The following SMIM35 variants were observed in gnomAD, a reference collection of about 807,000 sequenced individuals.
SMIM35 encodes the protein small integral membrane protein 35.
intron 1 of SMIM35, among the ~76,000 whole-genome samples, chr11:118,084,910 A>T (rs533169719): frequency 1.3e-5 from 2 of 152,188 alleles, no homozygotes; most frequent in Non-Finnish European, 2.9e-5. Context: ...AGAGTTCAGG[A>T]GGAGCAGGAT....
intron 1 of SMIM35, among the ~76,000 whole-genome samples, chr11:118,053,222 C>T (rs1161285809): frequency 3.3e-5 from 5 of 152,026 alleles, no homozygotes; most frequent in Admixed American, 2.6e-4. Flanking sequence ...GCCAGAGAAT[C>T]GCTTGAACCC....
intron 1 of SMIM35, among the ~76,000 whole-genome samples, chr11:118,061,129 C>A (rs945455743): frequency 6.6e-6 from 1 of 152,216 alleles, no homozygotes; most frequent in Non-Finnish European, 1.5e-5. Flanking sequence ...CCACTCGTGA[C>A]AGACACATGA....
chr11:118,083,220 A>G (rs1440190869), intron 1 of SMIM35, among the ~76,000 whole-genome samples: 3 of 152,218 alleles, frequency 2.0e-5, no homozygotes, highest in Non-Finnish European at 4.4e-5. Flanking sequence ...TTGCCAGGAG[A>G]AAAGACTTTC....
chr11:118,071,795 C>T lies in SMIM35; in HGVS notation c.7+14956G>A, dbSNP rs116992858. On this transcript the variant is annotated intron_variant, in intron 1 of 4. Transcript: ENST00000689828. ...CCTGAGTGTGGGAAGAGACCTAGAA[C>T]AGCATTGCTCAAACTTTAAGGTGAA... is the stretch of plus-strand genomic sequence containing the variant. Among the ~76,000 whole-genome samples the T allele has an allele frequency of 4.2e-3, 635 of 152,298 alleles. 5 individuals are homozygous for T. The highest frequency in any genetic ancestry group is 7.5e-3 in the Non-Finnish European group (511 of 68,030).
intron 1 of SMIM35, among the ~76,000 whole-genome samples, chr11:118,023,112 C>T (rs541752267): frequency 1.3e-5 from 2 of 152,078 alleles, no homozygotes; most frequent in Non-Finnish European, 2.9e-5. Context: ...TATCCTCATT[C>T]AGTCAAATAT....
At chr11:118,074,366 CAGG>C (rs1255212425) in intron 1 of SMIM35, among the ~76,000 whole-genome samples, 1 of 151,940 alleles carries the variant, frequency 6.6e-6, no homozygotes, top group Non-Finnish European at 1.5e-5. Flanking sequence ...AGAGGAAAAA[CAGG>C]AGGAGGATCT....
intron 1 of SMIM35, among the ~76,000 whole-genome samples, chr11:118,081,487 G>A (rs1449033714): frequency 6.6e-6 from 1 of 152,220 alleles, no homozygotes; most frequent in Non-Finnish European, 1.5e-5. Context: ...GTGGCCCCCA[G>A]AGCACCCTCC....
chr11:118,043,266 A>G (rs1177414376), intron 1 of SMIM35, among the ~76,000 whole-genome samples: 4 of 125,348 alleles, frequency 3.2e-5, no homozygotes, highest in Non-Finnish European at 5.2e-5. Context: ...AAGTCTGGGT[A>G]TTTGGTAAAA....
chr11:118,045,898 T>A (rs1051520948), intron 1 of SMIM35, among the ~76,000 whole-genome samples: 1 of 152,344 alleles, frequency 6.6e-6, no homozygotes, highest in East Asian at 1.9e-4. Context: ...AGCTAAAATA[T>A]CATTACTCTG....
At chr11:118,082,199 C>T (rs1029106811) in intron 1 of SMIM35, among the ~76,000 whole-genome samples, 1 of 152,212 alleles carries the variant, frequency 6.6e-6, no homozygotes, top group African/African-American at 2.4e-5. Context: ...AGCACTTTCA[C>T]ATCCAAAATC....
chr11:118,052,478 C>T (rs1944232689), intron 1 of SMIM35, among the ~76,000 whole-genome samples: 1 of 152,240 alleles, frequency 6.6e-6, no homozygotes, highest in East Asian at 1.9e-4. Context: ...TTGTACGGAC[C>T]CTTCCAAGTC....
intron 1 of SMIM35, among the ~76,000 whole-genome samples, chr11:118,016,359 G>A (rs998031359): frequency 1.3e-5 from 2 of 151,698 alleles, no homozygotes; most frequent in African/African-American, 4.8e-5. Context: ...AACCAAGAAA[G>A]AGAGAGAGAG....
rs188216140 is a variant in SMIM35 at position 118,047,842 on chromosome 11, T to C, written c.8-32033A>G. ...GGATCTCTGTGACCCTCCACATTTGTCCCAGGGTACTGGCTTGAGTGCCTA... is the reference window on the plus strand; with the variant it reads ...GGATCTCTGTGACCCTCCACATTTGCCCCAGGGTACTGGCTTGAGTGCCTA... On this transcript the variant is annotated intron_variant, in intron 1 of 4. Transcript: ENST00000689828. Among the ~76,000 whole-genome samples the C allele has an allele frequency of 8.6e-4, 131 of 152,310 alleles. 1 individual carries two copies. The highest frequency in any genetic ancestry group is 1.5e-3 in the Non-Finnish European group (100 of 68,030).
chr11:118,016,142 C>T (rs2058181617), intron 1 of SMIM35, among the ~76,000 whole-genome samples: 1 of 152,140 alleles, frequency 6.6e-6, no homozygotes, highest in African/African-American at 2.4e-5. Context: ...GGTCCAGCCT[C>T]AGCATGAGCC....
In SMIM35 at chr11:118,004,381, A is replaced by T. The variant is rs2058111678; in HGVS notation, c.*2029T>A. On this transcript the variant is annotated 3_prime_UTR_variant, in exon 5 of 5. Transcript: ENST00000689828. ...ACATTTTAAAGGAAGCATTATCAAG[A>T]TGGGGCAACAGGCTGGAGTGAAAGA... 1 of 152,262 alleles carries T rather than the reference A, an allele frequency of 6.6e-6. No homozygotes were observed. Among genetic ancestry groups the T allele is most frequent in the South Asian group, 2.1e-4 (1 of 4,832 alleles). 9.4% of individuals were successfully genotyped at this position (152,262 alleles called of 1,614,324 possible). A position where few individuals can be genotyped will look rare whatever the true frequency, so the allele number is the denominator to read the frequency against.
intron 1 of SMIM35, among the ~76,000 whole-genome samples, chr11:118,032,283 T>C (rs779287896): frequency 1.1e-4 from 16 of 152,196 alleles, no homozygotes; most frequent in Non-Finnish European, 1.9e-4. Context: ...GAGTAGTGTA[T>C]TGTTATTAAT....
intron 1 of SMIM35, among the ~76,000 whole-genome samples, chr11:118,018,725 T>C (rs539613529): frequency 3.2e-4 from 48 of 152,336 alleles, no homozygotes; most frequent in African/African-American, 1.1e-3. Flanking sequence ...GGAGATGTTA[T>C]GTCTCCACTG....
intron 1 of SMIM35, chr11:118,025,507 C>T: frequency 2.2e-6 from 1 of 455,526 alleles, no homozygotes; most frequent in South Asian, 1.6e-5. Context: ...GATGGTATCT[C>T]ACTGTGGTTT....
At chr11:118,015,351 C>A (rs1468622024) in intron 2 of SMIM35, among the ~76,000 whole-genome samples, 1 of 152,136 alleles carries the variant, frequency 6.6e-6, no homozygotes, top group East Asian at 1.9e-4. Context: ...CAGAGACACA[C>A]AAGGAGCCTG....
Sources: gnomAD v4.1 joint callset for allele counts (sites outside exome capture counted in the v4.1 genomes callset) on GRCh38, gnomAD v4.1.1 for gene constraint, MANE v1.5 for transcripts, NCBI Gene and HGNC (gene_info 2026-07-23, HGNC 2026-07-21) for gene names.